LPA: variants seen among roughly 807,000 people sequenced by gnomAD.
The protein encoded by LPA is lipoprotein(a).
Under a neutral mutation model 197.9 loss-of-function variants are expected in LPA, and 199 were observed. That is an observed-to-expected ratio of 1.01 (90% CI 0.90 to 1.13). The LOEUF (loss-of-function observed/expected upper bound fraction) is 1.13. Among genes scored for constraint, LPA ranks in the 50% most tolerant of loss-of-function variants. The probability of loss-of-function intolerance (pLI) is 0.00; values close to 1 mark genes in which losing one functional copy is unlikely to be tolerated. For synonymous variants in LPA, 715 were observed against 639.5 expected (o/e 1.12, Z -1.78); for missense variants, 1,853 against 1,785.8 (o/e 1.04, Z -0.68).
intron 28 of LPA, 27 bp downstream of exon 28, chr6:160,577,109 C>T: frequency 6.2e-7 from 1 of 1,611,576 alleles, no homozygotes; most frequent in Non-Finnish European, 8.5e-7. Context: ...GCTGTTGCTC[C>T]TCTTATGGTT....
intron 20 of LPA, among the ~76,000 whole-genome samples, chr6:160,597,612 T>C (rs1779158707): frequency 6.6e-6 from 1 of 152,256 alleles, no homozygotes; most frequent in South Asian, 2.1e-4. Flanking sequence ...AGATATACCT[T>C]TTAATAGTCC....
At chr6:160,578,423 T>G in intron 27 of LPA, 100 bp downstream of exon 27, 1 of 1,483,496 alleles carries the variant, frequency 6.7e-7, no homozygotes, top group South Asian at 1.1e-5. Context: ...TTGCAGACCC[T>G]CAACCAACCC....
intron 28 of LPA, among the ~76,000 whole-genome samples, chr6:160,576,361 T>TAC (rs1562327885): frequency 0.012 from 459 of 38,786 alleles, 13 homozygotes; most frequent in South Asian, 0.038. Flanking sequence ...TATATATATA[T>TAC]ATATACATAT....
chr6:160,590,926 T>C lies in LPA; in HGVS notation c.3787+18A>G, dbSNP rs371088690. 14 of 1,613,790 alleles carry C rather than the reference T, an allele frequency of 8.7e-6. No individual in the cohort carries two copies. The highest frequency in any genetic ancestry group is 1.2e-5 in the Non-Finnish European group (14 of 1,179,840). ...CCCAACGTCCAAGGGTGTGGTTGTCTGGCCAGAGACTTCTTACCTTGTTCA... is the reference window on the plus strand; with the variant it reads ...CCCAACGTCCAAGGGTGTGGTTGTCCGGCCAGAGACTTCTTACCTTGTTCA... On this transcript the variant is annotated intron_variant, in intron 23 of 38. Transcript: ENST00000316300.
chr6:160,585,571 A>G (rs1046100765), intron 25 of LPA, among the ~76,000 whole-genome samples: 2 of 152,098 alleles, frequency 1.3e-5, no homozygotes, highest in Non-Finnish European at 2.9e-5. Context: ...TGTTCAGGCT[A>G]TAGGTGGTGA....
At chr6:160,553,954 T>TGTGTGTGTGTGTGTGCAC (rs771903485) in intron 30 of LPA, among the ~76,000 whole-genome samples, 81 of 130,808 alleles carry the variant, frequency 6.2e-4, no homozygotes, top group Admixed American at 1.2e-3. Flanking sequence ...TGTGTGTGTG[T>TGTGTGTGTGTGTGTGCAC]GCGCGCGCGC....
chr6:160,543,103 T>C (rs41265930), intron 33 of LPA, among the ~76,000 whole-genome samples: 5,439 of 152,272 alleles, frequency 0.036, 169 homozygotes, highest in Non-Finnish European at 0.062. Flanking sequence ...TGTGCATGTG[T>C]GTATGTGATT....
At chr6:160,566,659 A>C (rs1778460383) in intron 28 of LPA, among the ~76,000 whole-genome samples, 1 of 152,236 alleles carries the variant, frequency 6.6e-6, no homozygotes, top group Admixed American at 6.5e-5. Context: ...CTTAAATGTA[A>C]ATGGGCTAAA....
At chr6:160,558,154 C>T (rs1269251763) in intron 28 of LPA, among the ~76,000 whole-genome samples, 9 of 152,150 alleles carry the variant, frequency 5.9e-5, no homozygotes, top group African/African-American at 1.7e-4. Context: ...CTCCTGACCT[C>T]GTGATCCACC....
In LPA at chr6:160,647,685, T is replaced by C. The variant is rs1218169683; in HGVS notation, c.210-1290A>G. ...TTTGAACCCACACATTAACCTTTTATTAGTATTACATACTATCGTGCATGA... is the reference window on the plus strand; with the variant it reads ...TTTGAACCCACACATTAACCTTTTACTAGTATTACATACTATCGTGCATGA... On this transcript the variant is annotated intron_variant, in intron 2 of 38. Transcript: ENST00000316300. Among the ~76,000 whole-genome samples, 3 of 152,360 alleles carry C rather than the reference T, an allele frequency of 2.0e-5. No homozygotes were observed. The East Asian group carries it at 5.8e-4, about 29-fold the overall frequency.
At chr6:160,594,674 C>T (rs1414467130) in intron 21 of LPA, among the ~76,000 whole-genome samples, 1 of 152,166 alleles carries the variant, frequency 6.6e-6, no homozygotes. Flanking sequence ...TGGCTGGTAT[C>T]TTTGGCCCAG....
At position 160,599,552 on chromosome 6, in the gene LPA, A is replaced by AC. The variant is rs1779197807; in HGVS notation, c.3234dup (p.Ser1079ValfsTer9). ...CTATGCTGGTGTGGTGTCATAGATG[A>AC]CCAAGCTTGGCAAGTTCTTCCTGTG... On this transcript the variant is annotated frameshift_variant, in exon 20 of 39. Transcript: ENST00000316300. LOFTEE classifies it high-confidence loss of function. The AC allele has an allele frequency of 1.2e-6, 2 of 1,614,096 alleles. No individual in the cohort carries two copies. Among genetic ancestry groups the AC allele is most frequent in the South Asian group, 2.2e-5 (2 of 91,078 alleles).
Position 160,605,149 on chromosome 6 carries a change from A to G in LPA, c.2842T>C (p.Tyr948His). The change falls in exon 18 of 39, where the codon TAT becomes CAT. Residue 948 changes from tyrosine to histidine, a missense_variant. Physicochemically the swap from Tyr to His is moderately conservative, Grantham distance 83 (BLOSUM62 2). Coordinates refer to ENST00000316300, the MANE Select transcript of LPA (RefSeq NM_005577.4). ...ACAGTAATGAAGTATGTGCCTTGAT[A>G]ACTCTGTCCATTTCCGTGGTAGCAC... ...QECYHGNGQSYQGTYFITVTG... is the reference protein window; with the variant it reads ...QECYHGNGQSHQGTYFITVTG... The G allele has an allele frequency of 6.2e-7, 1 of 1,614,010 alleles. No individual in the cohort carries two copies. The highest frequency in any genetic ancestry group is 1.1e-5 in the South Asian group (1 of 91,080).
intron 24 of LPA, among the ~76,000 whole-genome samples, chr6:160,588,280 G>C (rs1044213931): frequency 1.3e-5 from 2 of 152,026 alleles, no homozygotes; most frequent in Non-Finnish European, 2.9e-5. Flanking sequence ...GTGGAATGCA[G>C]TTAATTTACT....
chr6:160,547,783 G>A lies in LPA; in HGVS notation c.5304+6C>T, dbSNP rs367856909. 3.0e-5 allele frequency: 48 copies of A among 1,613,954 alleles called. No homozygotes were observed. In the African/African-American group the frequency reaches 5.1e-4, roughly 17 times the overall value. On this transcript the variant is annotated splice_donor_region_variant and intron_variant, in intron 32 of 38. Coordinates refer to ENST00000316300, the MANE Select transcript of LPA (RefSeq NM_005577.4). ...GGGAAAAAGAGTCCAAATCAAAGTGGCTTACATTTTTTTCCAGACCTGCCC... is the reference window on the plus strand; with the variant it reads ...GGGAAAAAGAGTCCAAATCAAAGTGACTTACATTTTTTTCCAGACCTGCCC...
At chr6:160,647,067 C>T (rs549213486) in intron 2 of LPA, among the ~76,000 whole-genome samples, 6 of 152,146 alleles carry the variant, frequency 3.9e-5, no homozygotes, top group Non-Finnish European at 5.9e-5. Flanking sequence ...AAAACTTGCT[C>T]CCAGGCAGAA....
In LPA at chr6:160,606,572, T is replaced by C. The variant is rs373542478; in HGVS notation, c.2690A>G (p.Tyr897Cys). ...YTRDPSVRWEYCNLTQCSDAE... is the reference protein window; with the variant it reads ...YTRDPSVRWECCNLTQCSDAE... ...GTCTGAGCATTGTGTCAGGTTGCAG[T>C]ACTCCCACCTGACACTGGGATCCCT... Residue 897 changes from tyrosine to cysteine, a missense_variant, in exon 17 of 39, where the codon TAC (tyrosine) becomes TGC (cysteine). Physicochemically the swap from Tyr to Cys is radical, Grantham distance 194. Transcript: ENST00000316300. 3 of 1,613,730 alleles carry C rather than the reference T, an allele frequency of 1.9e-6. No homozygotes were observed. The highest frequency in any genetic ancestry group is 2.5e-6 in the Non-Finnish European group (3 of 1,179,956).
chr6:160,587,791 G>T (rs1280101238), intron 24 of LPA, among the ~76,000 whole-genome samples: 1,664 of 125,408 alleles, frequency 0.013, 41 homozygotes, highest in African/African-American at 0.047. Context: ...GTGTGTGTGT[G>T]TGTGTGTGTT....
intron 28 of LPA, among the ~76,000 whole-genome samples, chr6:160,558,339 A>G (rs1778304560): frequency 6.6e-6 from 1 of 152,208 alleles, no homozygotes; most frequent in Non-Finnish European, 1.5e-5. Context: ...GGGAAGAAAC[A>G]ACATCCAACA....
Sources: gnomAD v4.1 joint callset for allele counts (sites outside exome capture counted in the v4.1 genomes callset) on GRCh38, gnomAD v4.1.1 for gene constraint, MANE v1.5 for transcripts, NCBI Gene and HGNC (gene_info 2026-07-23, HGNC 2026-07-21) for gene names.